FOXRED2: variants seen among roughly 807,000 people sequenced by gnomAD.
The protein encoded by FOXRED2 is FAD dependent oxidoreductase domain containing 2, also known as FAD-dependent oxidoreductase domain-containing protein 2.
A neutral mutation model predicts 52.5 loss-of-function variants in FOXRED2; 32 were observed. The ratio of observed to expected loss-of-function variants is 0.61; its 90% CI spans 0.46 to 0.82. The LOEUF (loss-of-function observed/expected upper bound fraction) is 0.82. Among genes scored for constraint, FOXRED2 ranks in the 40% least tolerant of loss-of-function variants. The pLI, the probability that FOXRED2 is intolerant of heterozygous loss-of-function variation, is 0.00. For missense variants in FOXRED2, 848 were observed against 937.5 expected, an observed-to-expected ratio of 0.90 and a Z score of 1.25; for synonymous variants, 405 against 398.1, an observed-to-expected ratio of 1.02 and a Z score of -0.21.
chr22:36,494,166 T>C (rs1368725784), intron 7 of FOXRED2, among the ~76,000 whole-genome samples: 2 of 152,222 alleles, frequency 1.3e-5, no homozygotes, highest in Non-Finnish European at 2.9e-5. Context: ...GCCCAGGCTG[T>C]CATGCAGTGG....
At position 36,504,688 on chromosome 22, in the gene FOXRED2, C is replaced by G; in HGVS notation, c.606G>C (p.Glu202Asp). 6.2e-7 allele frequency: 1 copy of G among 1,614,184 alleles called. No homozygotes were observed. The highest frequency in any genetic ancestry group is 8.5e-7 in the Non-Finnish European group (1 of 1,180,032). ...AGTCCTCAGGGTCCACGGACACGGA[C>G]TCGTAACCCTCTGCATATTCGGAGC... is the stretch of plus-strand genomic sequence containing the variant. ...FPGSEYAEGYESVSVDPEDFV... is the reference protein window; with the variant it reads ...FPGSEYAEGYDSVSVDPEDFV... Residue 202 changes from glutamate to aspartate, a missense_variant, in exon 3 of 9, where the codon GAG becomes GAC. Transcript: ENST00000397224.
chr22:36,495,892 C>T, intron 7 of FOXRED2, 75 bp downstream of exon 7: 4 of 1,536,462 alleles, frequency 2.6e-6, no homozygotes, highest in Non-Finnish European at 3.6e-6. Context: ...GTGAAGGTTT[C>T]AGGGTGGGTG....
At position 36,489,399 on chromosome 22, in the gene FOXRED2, A is replaced by G. The variant is rs1353140277; in HGVS notation, c.*609T>C. On this transcript the variant is annotated 3_prime_UTR_variant, in exon 9 of 9. Coordinates refer to ENST00000397224, the MANE Select transcript of FOXRED2 (RefSeq NM_001102371.2). ...CTGACCCTCTTGGGCTCTGTAGCTA[A>G]GCCCAAACCCTGCTGAAAATGGGGC... 6.6e-6 allele frequency: 1 copy of G among 152,268 alleles called. No individual in the cohort carries two copies. The highest frequency in any genetic ancestry group is 1.5e-5 in the Non-Finnish European group (1 of 68,072). The allele number at this position is 152,268 out of a possible 1,614,324, so 9.4% of individuals were successfully genotyped here. A position where few individuals can be genotyped will look rare whatever the true frequency, so the allele number is the denominator to read the frequency against.
intron 5 of FOXRED2, 24 bp from the exon 6 acceptor site, chr22:36,498,180 G>T: frequency 6.2e-7 from 1 of 1,600,274 alleles, no homozygotes; most frequent in South Asian, 1.1e-5. Flanking sequence ...AGGGAGGAAC[G>T]GCACGCTGCA....
intron 1 of FOXRED2, chr22:36,506,678 AT>A (rs1227660018): frequency 6.8e-6 from 3 of 439,436 alleles, no homozygotes; most frequent in African/African-American, 6.5e-5. Flanking sequence ...CCCGCTTATG[AT>A]TGTAGTAACC....
intron 7 of FOXRED2, 146 bp downstream of exon 7, chr22:36,495,821 C>T: frequency 2.4e-6 from 2 of 846,598 alleles, no homozygotes; most frequent in Non-Finnish European, 3.8e-6. Context: ...CTCGGACCTT[C>T]TGCCCAAGTG....
chr22:36,490,055 G>A lies in FOXRED2; in HGVS notation c.2008C>T (p.Pro670Ser), dbSNP rs200359512. The A allele has an allele frequency of 7.5e-5, 121 of 1,611,006 alleles. 1 individual carries two copies. Among genetic ancestry groups the A allele is most frequent in the East Asian group, 2.0e-4 (9 of 44,786 alleles). Reference protein sequence around the residue: ...DQEPLGSPLAPGPLAQSVDSN... With the variant: ...DQEPLGSPLASGPLAQSVDSN... ...TCGACGGACTGAGCCAGAGGCCCTG[G>A]AGCCAGGGGGGAACCTAGTGGCTCT... The change falls in exon 9 of 9, where the codon CCA becomes TCA. Residue 670 changes from proline to serine, a missense_variant. Pro to Ser is a moderately conservative substitution (Grantham distance 74). Transcript: ENST00000397224.
At chr22:36,502,084 G>A (rs1193050300) in intron 4 of FOXRED2, among the ~76,000 whole-genome samples, 5 of 152,110 alleles carry the variant, frequency 3.3e-5, no homozygotes, top group African/African-American at 9.7e-5. Context: ...CAGGAGAATC[G>A]CTTGAACCTA....
chr22:36,504,029 C>A (rs1054036660), intron 4 of FOXRED2, 69 bp downstream of exon 4: 11 of 1,526,566 alleles, frequency 7.2e-6, no homozygotes, highest in Non-Finnish European at 9.8e-6. Context: ...TGAACAGCCA[C>A]CCTGTTCCCC....
chr22:36,494,922 C>G (rs527403728), intron 7 of FOXRED2, among the ~76,000 whole-genome samples: 3 of 151,724 alleles, frequency 2.0e-5, no homozygotes, highest in African/African-American at 7.3e-5. Flanking sequence ...CAGGCGTGAG[C>G]GACCGCGCCC....
At position 36,489,304 on chromosome 22, in the gene FOXRED2, G is replaced by A. The variant is rs1933684323; in HGVS notation, c.*704C>T. ...TGCTTCTCAGTGAGAAAGTTGCTAA[G>A]ATGGCTTTGCAGGGAGCTGTCCTAT... On this transcript the variant is annotated 3_prime_UTR_variant, in exon 9 of 9. Transcript: ENST00000397224. The A allele has an allele frequency of 6.6e-6, 1 of 152,282 alleles. No homozygotes were observed. The highest frequency in any genetic ancestry group is 6.5e-5 in the Admixed American group (1 of 15,284). The allele number at this position is 152,282 out of a possible 1,614,324, so 9.4% of individuals were successfully genotyped here. A position where few individuals can be genotyped will look rare whatever the true frequency, so the allele number is the denominator to read the frequency against.
chr22:36,488,841 A>C lies in FOXRED2; in HGVS notation c.*1167T>G. On this transcript the variant is annotated 3_prime_UTR_variant, in exon 9 of 9. Transcript: ENST00000397224. ...GGTGATCCACCTGCCTGGGCCTCCCAGAGTGCTGGGATTGTCCTTGGAATT... is the reference window on the plus strand; with the variant it reads ...GGTGATCCACCTGCCTGGGCCTCCCCGAGTGCTGGGATTGTCCTTGGAATT... 1 of 152,302 alleles carries C rather than the reference A, an allele frequency of 6.6e-6. No individual in the cohort carries two copies. Among genetic ancestry groups the C allele is most frequent in the East Asian group, 1.9e-4 (1 of 5,202 alleles). The allele number at this position is 152,302 out of a possible 1,614,324, so 9.4% of individuals were successfully genotyped here. A position where few individuals can be genotyped will look rare whatever the true frequency, so the allele number is the denominator to read the frequency against.
intron 5 of FOXRED2, 176 bp from the exon 6 acceptor site, chr22:36,498,332 G>C: frequency 7.8e-6 from 5 of 643,096 alleles, no homozygotes; most frequent in Non-Finnish European, 1.3e-5. Context: ...GCTGCCTTTA[G>C]AGCAGGGCCA....
chr22:36,503,120 C>G (rs528521690), intron 4 of FOXRED2, among the ~76,000 whole-genome samples: 1 of 152,190 alleles, frequency 6.6e-6, no homozygotes, highest in African/African-American at 2.4e-5. Flanking sequence ...TCCTGAGTAG[C>G]TGGGACCACA....
chr22:36,498,892 T>C (rs1383598249), intron 5 of FOXRED2, among the ~76,000 whole-genome samples: 8 of 151,808 alleles, frequency 5.3e-5, no homozygotes, highest in Non-Finnish European at 8.8e-5. Flanking sequence ...ACACTTATTA[T>C]TGTAGTCCTC....
rs1933677548 is a variant in FOXRED2 at position 36,488,983 on chromosome 22, T to C, written c.*1025A>G. 6.6e-6 allele frequency: 1 copy of C among 152,168 alleles called. No homozygotes were observed. The highest frequency in any genetic ancestry group is 1.5e-5 in the Non-Finnish European group (1 of 68,050). 9.4% of individuals were successfully genotyped at this position (152,168 alleles called of 1,614,324 possible). On this transcript the variant is annotated 3_prime_UTR_variant, in exon 9 of 9. Coordinates refer to ENST00000397224, the MANE Select transcript of FOXRED2 (RefSeq NM_001102371.2). ...CACTTACAAATGAGACTAAGACGCC[T>C]GATGGGAAAGTGCAGATTGCTGGTG...
At chr22:36,506,618 CCCCT>C (rs1248341498) in intron 1 of FOXRED2, 195 bp from the exon 2 acceptor site, 10 of 512,784 alleles carry the variant, frequency 2.0e-5, no homozygotes, top group Admixed American at 1.8e-4. Context: ...GAATCCCGAG[CCCCT>C]CCATCTTATC....
At position 36,506,260 on chromosome 22, in the gene FOXRED2, C is replaced by A. The variant is rs369938543; in HGVS notation, c.163G>T (p.Asp55Tyr). The change falls in exon 2 of 9, where the codon GAC becomes TAC. Residue 55 changes from aspartate (D) to tyrosine (Y), a missense_variant. Transcript: ENST00000397224. ...GGGGCCCGCTCGAACACTGCGTAGT[C>A]GCGTCCAGCGCGCTGCAGGAAGTAG... ...MAYFLQRAGR[D>Y]YAVFERAPRP... 4 of 1,608,744 alleles carry A rather than the reference C, an allele frequency of 2.5e-6. No homozygotes were observed. In the African/African-American group the frequency reaches 5.3e-5, roughly 21 times the overall value.
chr22:36,498,236 T>A (rs11089794), intron 5 of FOXRED2, 80 bp from the exon 6 acceptor site: 31 of 1,511,668 alleles, frequency 2.1e-5, no homozygotes, highest in Admixed American at 3.7e-5. Flanking sequence ...CCAGGCCTCA[T>A]TGACCCCTGA....
Sources: allele counts gnomAD v4.1 joint callset (sites outside exome capture counted in the v4.1 genomes callset), GRCh38; gene constraint gnomAD v4.1.1; transcripts MANE v1.5; gene names NCBI Gene and HGNC (gene_info 2026-07-23, HGNC 2026-07-21).